The following HUNK variants were observed in gnomAD, a reference collection of about 807,000 sequenced individuals.
The protein encoded by HUNK is hormonally up-regulated Neu-associated kinase.
Under a neutral mutation model 61.0 loss-of-function variants are expected in HUNK, and 21 were observed. The ratio of observed to expected loss-of-function variants is 0.34; its 90% CI spans 0.24 to 0.50. The LOEUF (loss-of-function observed/expected upper bound fraction) is 0.50. Ranked by LOEUF, HUNK falls within the 20% of genes least tolerant of loss-of-function variation. The pLI, the probability that HUNK is intolerant of heterozygous loss-of-function variation, is 0.98. For missense variants in HUNK, 772 were observed against 945.7 expected, an observed-to-expected ratio of 0.82 and a Z score of 2.41; for synonymous variants, 371 against 386.1, an observed-to-expected ratio of 0.96 and a Z score of 0.46.
chr21:31,991,513 C>T (rs753016881), intron 9 of HUNK, among the ~76,000 whole-genome samples: 31 of 152,222 alleles, frequency 2.0e-4, no homozygotes, highest in Non-Finnish European at 3.8e-4. Context: ...GCCACTGCGC[C>T]CGGCCCAAAG....
At chr21:31,983,406 G>T in intron 7 of HUNK, 120 bp from the exon 8 acceptor site, 1 of 770,948 alleles carries the variant, frequency 1.3e-6, no homozygotes, top group East Asian at 2.6e-5. Context: ...GCAATTTACT[G>T]GACTGCCAAA....
At chr21:31,959,870 T>C (rs1453166671) in intron 5 of HUNK, among the ~76,000 whole-genome samples, 1 of 152,268 alleles carries the variant, frequency 6.6e-6, no homozygotes, top group Non-Finnish European at 1.5e-5. Flanking sequence ...AGACACGTTC[T>C]TGTATGCAAT....
chr21:31,999,619 C>T lies in HUNK; in HGVS notation c.*435C>T, dbSNP rs2053232945. The T allele has an allele frequency of 5.9e-6, 1 of 168,266 alleles. No individual in the cohort carries two copies. The highest frequency in any genetic ancestry group is 1.8e-4 in the South Asian group (1 of 5,612). The allele number at this position is 168,266 out of a possible 1,614,324, so 10.4% of individuals were successfully genotyped here. On this transcript the variant is annotated 3_prime_UTR_variant, in exon 11 of 11. Coordinates refer to ENST00000270112, the MANE Select transcript of HUNK (RefSeq NM_014586.2). The stretch of plus-strand genomic sequence containing the variant: ...ACAATATCACAGTCATTCATCCAGG[C>T]CACGTTTCCTCTGCGGAGTGTAGCA...
intron 1 of HUNK, among the ~76,000 whole-genome samples, chr21:31,904,903 C>A (rs1475741308): frequency 6.6e-6 from 1 of 151,958 alleles, no homozygotes; most frequent in Non-Finnish European, 1.5e-5. Flanking sequence ...ACCAGCCTGG[C>A]CTCAAACCCT....
intron 1 of HUNK, among the ~76,000 whole-genome samples, chr21:31,899,229 A>C (rs887187907): frequency 1.3e-5 from 2 of 152,218 alleles, no homozygotes; most frequent in African/African-American, 4.8e-5. Context: ...GGTAGTGTCA[A>C]ACAACAGAAA....
chr21:31,994,157 G>T (rs1025061059), intron 9 of HUNK, among the ~76,000 whole-genome samples: 6 of 152,216 alleles, frequency 3.9e-5, no homozygotes, highest in South Asian at 2.1e-4. Flanking sequence ...AAAAAGGCTG[G>T]TGGCAGCTGT....
At chr21:31,936,233 A>G (rs1051916313) in intron 2 of HUNK, among the ~76,000 whole-genome samples, 1 of 152,238 alleles carries the variant, frequency 6.6e-6, no homozygotes, top group African/African-American at 2.4e-5. Flanking sequence ...ATTTATGTCC[A>G]TAAGTTTTCC....
In HUNK at chr21:31,999,301, T is replaced by A; in HGVS notation, c.*117T>A. The A allele has an allele frequency of 1.1e-6, 1 of 929,084 alleles. No homozygotes were observed. The highest frequency in any genetic ancestry group is 1.6e-6 in the Non-Finnish European group (1 of 614,688). The allele number at this position is 929,084 out of a possible 1,614,324, so 57.6% of individuals were successfully genotyped here. On this transcript the variant is annotated 3_prime_UTR_variant, in exon 11 of 11. Coordinates refer to ENST00000270112, the MANE Select transcript of HUNK (RefSeq NM_014586.2). ...CGTGGAGCATCCTTAGTCCCACCTG[T>A]AGCTGAATCCACAGACCCAAAGCCT...
At chr21:31,990,371 A>C (rs1420426103) in intron 9 of HUNK, among the ~76,000 whole-genome samples, 195 bp downstream of exon 9, 1 of 151,420 alleles carries the variant, frequency 6.6e-6, no homozygotes, top group Admixed American at 6.6e-5. Context: ...TGCAGCTTCA[A>C]GTCTGAAGGC....
chr21:31,980,722 G>A (rs1175384838), intron 7 of HUNK, among the ~76,000 whole-genome samples: 1 of 149,466 alleles, frequency 6.7e-6, no homozygotes, highest in Non-Finnish European at 1.5e-5. Context: ...TTTTCTTTTT[G>A]AGATGGAGTT....
intron 1 of HUNK, among the ~76,000 whole-genome samples, chr21:31,884,326 C>T (rs1360570219): frequency 6.6e-6 from 1 of 152,114 alleles, no homozygotes; most frequent in African/African-American, 2.4e-5. Context: ...GGCATGGTGG[C>T]TCACACCTGT....
chr21:31,960,737 GCATGAACTGCCTC>G (rs1266796879), intron 5 of HUNK, among the ~76,000 whole-genome samples: 1 of 152,166 alleles, frequency 6.6e-6, no homozygotes, highest in Non-Finnish European at 1.5e-5. Flanking sequence ...CATGAGAACA[GCATGAACTGCCTC>G]CATGATTCAA....
At chr21:31,996,100 G>A (rs546384374) in intron 10 of HUNK, 152 bp downstream of exon 10, 18 of 598,434 alleles carry the variant, frequency 3.0e-5, no homozygotes, top group South Asian at 2.3e-4. Flanking sequence ...GGTTGCCTGA[G>A]CACAGTCCAG....
At position 31,939,126 on chromosome 21, in the gene HUNK, G is replaced by A. The variant is rs116351778; in HGVS notation, c.555-1039G>A. ...TCATTTCTCCCTTCCACCTCCTCCCGTCACCTCAGTGTCAATGCATGGCAT... is the reference window on the plus strand; with the variant it reads ...TCATTTCTCCCTTCCACCTCCTCCCATCACCTCAGTGTCAATGCATGGCAT... On this transcript the variant is annotated intron_variant, in intron 2 of 10. Coordinates refer to ENST00000270112, the MANE Select transcript of HUNK (RefSeq NM_014586.2). Among the ~76,000 whole-genome samples the A allele has an allele frequency of 2.4e-3, 364 of 151,912 alleles. 2 individuals carry two copies. The highest frequency in any genetic ancestry group is 8.2e-3 in the African/African-American group (340 of 41,404).
At position 31,915,761 on chromosome 21, in the gene HUNK, AAAG is replaced by A. The variant is rs752331360; in HGVS notation, c.262-8702_262-8700del. On this transcript the variant is annotated intron_variant, in intron 1 of 10. Coordinates refer to ENST00000270112, the MANE Select transcript of HUNK (RefSeq NM_014586.2). Reference sequence around the variant, plus strand: ...GACAGTCTCAGCTAAGTCAATATTTAAAGAAGATGAGAGACTCGCCTGATAGGA... The same window carrying A: ...GACAGTCTCAGCTAAGTCAATATTTAAAGATGAGAGACTCGCCTGATAGGA... 2.6e-5 allele frequency among the ~76,000 whole-genome samples: 4 copies of A among 152,312 alleles called. No individual in the cohort carries two copies. The East Asian group carries it at 5.8e-4, about 22-fold the overall frequency.
intron 1 of HUNK, among the ~76,000 whole-genome samples, chr21:31,900,994 T>A (rs541493706): frequency 6.6e-6 from 1 of 152,276 alleles, no homozygotes; most frequent in Non-Finnish European, 1.5e-5. Flanking sequence ...CTTCTGGCAC[T>A]TCCGTGGCTA....
At chr21:31,882,219 C>A (rs1428614021) in intron 1 of HUNK, among the ~76,000 whole-genome samples, 2 of 152,238 alleles carry the variant, frequency 1.3e-5, no homozygotes, top group African/African-American at 4.8e-5. Flanking sequence ...TCTTAGCACT[C>A]TTACGGTGGC....
intron 5 of HUNK, among the ~76,000 whole-genome samples, chr21:31,960,962 A>G (rs954970323): frequency 8.5e-5 from 13 of 152,194 alleles, no homozygotes; most frequent in South Asian, 4.1e-4. Flanking sequence ...TTTATGTACA[A>G]TCTTGTGTGT....
chr21:31,999,914 T>C lies in HUNK; in HGVS notation c.*730T>C. The C allele has an allele frequency of 2.7e-6, 1 of 373,072 alleles. No individual in the cohort carries two copies. Among genetic ancestry groups the C allele is most frequent in the Admixed American group, 4.6e-5 (1 of 21,940 alleles). The allele number at this position is 373,072 out of a possible 1,614,324, so 23.1% of individuals were successfully genotyped here. The stretch of plus-strand genomic sequence containing the variant: ...GTGATGTCGGTAAATTGAAATAACA[T>C]AATTTTTTAAAACTTGGATGGAGAG... On this transcript the variant is annotated 3_prime_UTR_variant, in exon 11 of 11. Coordinates refer to ENST00000270112, the MANE Select transcript of HUNK (RefSeq NM_014586.2).
Sources: gnomAD v4.1 joint callset for allele counts (sites outside exome capture counted in the v4.1 genomes callset) on GRCh38, gnomAD v4.1.1 for gene constraint, MANE v1.5 for transcripts, NCBI Gene and HGNC (gene_info 2026-07-23, HGNC 2026-07-21) for gene names.